CARMIL1: variants seen among roughly 807,000 people sequenced by gnomAD.
CARMIL1 encodes F-actin-uncapping protein LRRC16A.
In CARMIL1, 90 loss-of-function variants were observed where a neutral mutation model predicts 177.1. That is an observed-to-expected ratio of 0.51 (90% confidence interval 0.43 to 0.61). The LOEUF is 0.61. Among genes scored for constraint, CARMIL1 ranks in the 20% least tolerant of loss-of-function variants. The pLI, the probability that CARMIL1 is intolerant of heterozygous loss-of-function variation, is 0.00. For synonymous variants in CARMIL1, 577 were observed against 606.2 expected, an observed-to-expected ratio of 0.95 and a Z score of 0.71; for missense variants, 1,380 against 1,667.0, an observed-to-expected ratio of 0.83 and a Z score of 3.00.
At chr6:25,286,418 A>AC (rs1561936026) in intron 2 of CARMIL1, among the ~76,000 whole-genome samples, 2 of 152,252 alleles carry the variant, frequency 1.3e-5, no homozygotes, top group Admixed American at 6.5e-5. Context: ...TTGCCCAGCA[A>AC]CAAAATGTGC....
At chr6:25,409,530 T>C (rs1412492019) in intron 2 of CARMIL1, among the ~76,000 whole-genome samples, 1 of 143,762 alleles carries the variant, frequency 7.0e-6, no homozygotes, top group Non-Finnish European at 1.5e-5. Flanking sequence ...AAGCTGAGAT[T>C]TCGCCTGAAG....
intron 29 of CARMIL1, 83 bp from the exon 30 acceptor site, chr6:25,580,841 C>T: frequency 4.8e-6 from 5 of 1,036,744 alleles, no homozygotes; most frequent in East Asian, 2.6e-5. Context: ...GTTAAACAGT[C>T]GATCCAGAAT....
chr6:25,412,625 C>G (rs1386392359), intron 2 of CARMIL1, among the ~76,000 whole-genome samples: 1 of 152,114 alleles, frequency 6.6e-6, no homozygotes, highest in Non-Finnish European at 1.5e-5. Context: ...TAGTAATTTG[C>G]TCTTAGCCAT....
intron 8 of CARMIL1, chr6:25,452,641 C>G (rs146842293): frequency 1.0e-4 from 16 of 153,572 alleles, no homozygotes; most frequent in African/African-American, 3.8e-4. Context: ...TTTTCCAAAA[C>G]AAAAATAAAT....
chr6:25,398,256 G>A (rs1365374997), intron 2 of CARMIL1, among the ~76,000 whole-genome samples: 1 of 152,080 alleles, frequency 6.6e-6, no homozygotes. Flanking sequence ...CTCTCAACTA[G>A]GGATAATTCA....
chr6:25,346,656 T>C (rs1385928405), intron 2 of CARMIL1, among the ~76,000 whole-genome samples: 1 of 152,238 alleles, frequency 6.6e-6, no homozygotes, highest in Non-Finnish European at 1.5e-5. Context: ...TCATTGCTTA[T>C]TCCTGGGGAC....
At chr6:25,375,273 T>G (rs1010623762) in intron 2 of CARMIL1, among the ~76,000 whole-genome samples, 27 of 152,194 alleles carry the variant, frequency 1.8e-4, no homozygotes, top group African/African-American at 6.0e-4. Context: ...AAAAAATGAT[T>G]GGCTGACAGT....
intron 29 of CARMIL1, among the ~76,000 whole-genome samples, chr6:25,560,977 C>T (rs1811058109): frequency 6.6e-6 from 1 of 152,182 alleles, no homozygotes; most frequent in South Asian, 2.1e-4. Flanking sequence ...CTGAAACCTC[C>T]TGTGCCTCTC....
intron 9 of CARMIL1, among the ~76,000 whole-genome samples, chr6:25,470,241 T>C (rs1800982277): frequency 6.6e-6 from 1 of 152,334 alleles, no homozygotes; most frequent in African/African-American, 2.4e-5. Flanking sequence ...ATCAAGTACT[T>C]ATTTAGCCTT....
At chr6:25,412,533 A>T (rs1421134616) in intron 2 of CARMIL1, among the ~76,000 whole-genome samples, 1 of 152,220 alleles carries the variant, frequency 6.6e-6, no homozygotes, top group Non-Finnish European at 1.5e-5. Context: ...GTGAGCTGTG[A>T]TCGCTCCACT....
intron 23 of CARMIL1, among the ~76,000 whole-genome samples, chr6:25,527,477 A>G (rs1017657729): frequency 6.6e-6 from 1 of 152,186 alleles, no homozygotes; most frequent in African/African-American, 2.4e-5. Context: ...GGCCAAATGT[A>G]TAAGAATTAA....
At chr6:25,555,220 G>T (rs550083922) in intron 28 of CARMIL1, among the ~76,000 whole-genome samples, 78 of 152,252 alleles carry the variant, frequency 5.1e-4, no homozygotes, top group African/African-American at 1.8e-3. Context: ...TTTTAACAGT[G>T]TATTGGTTTG....
chr6:25,538,020 A>G, intron 25 of CARMIL1, 37 bp downstream of exon 25: 1 of 1,537,276 alleles, frequency 6.5e-7, no homozygotes, highest in East Asian at 2.3e-5. Flanking sequence ...AGTCTGGTAT[A>G]ATAAAAACGT....
At chr6:25,439,999 T>C (rs1289242733) in intron 5 of CARMIL1, among the ~76,000 whole-genome samples, 2 of 152,204 alleles carry the variant, frequency 1.3e-5, no homozygotes, top group East Asian at 3.8e-4. Context: ...TCTTTCCTTC[T>C]AGGCTGGGAG....
intron 9 of CARMIL1, among the ~76,000 whole-genome samples, chr6:25,470,074 T>C (rs1562181778): frequency 6.6e-6 from 1 of 151,886 alleles, no homozygotes; most frequent in Admixed American, 6.5e-5. Context: ...ATAATAGTTA[T>C]ATAACTACAT....
chr6:25,517,411 G>C lies in CARMIL1; in HGVS notation c.1870G>C (p.Glu624Gln), dbSNP rs1318876495. 6.2e-7 allele frequency: 1 copy of C among 1,612,498 alleles called. No homozygotes were observed. The highest frequency in any genetic ancestry group is 1.7e-5 in the Admixed American group (1 of 60,018). Residue 624 changes from glutamate (E) to glutamine (Q), a missense_variant, in exon 22 of 37, where the codon GAA (glutamate) becomes CAA (glutamine). Physicochemically the swap from Glu to Gln is conservative, Grantham distance 29. Coordinates refer to ENST00000329474, the MANE Select transcript of CARMIL1 (RefSeq NM_017640.6). ...CTTTCAGGATATAGCTGTTGCTATG[G>C]AAAAGTAAGTTTGAATTAGGATTTC... Reference protein sequence around the residue: ...QGFQDIAVAMEKNYTLRFMPI... With the variant: ...QGFQDIAVAMQKNYTLRFMPI...
intron 2 of CARMIL1, among the ~76,000 whole-genome samples, chr6:25,344,096 C>T (rs2690092): frequency 0.57 from 86,715 of 151,824 alleles, 25,509 homozygotes; most frequent in African/African-American, 0.72. Context: ...ATTTCAGTCC[C>T]CATGTTCACT....
chr6:25,583,727 T>G (rs1215415087), intron 31 of CARMIL1, among the ~76,000 whole-genome samples: 1 of 152,194 alleles, frequency 6.6e-6, no homozygotes, highest in African/African-American at 2.4e-5. Context: ...GATTTTTAGA[T>G]TTTTTAGTCC....
chr6:25,434,266 T>C (rs554267847), intron 4 of CARMIL1, among the ~76,000 whole-genome samples: 2 of 152,316 alleles, frequency 1.3e-5, no homozygotes, highest in South Asian at 4.1e-4. Context: ...GAAGTTCTTC[T>C]TATTTGTAAT....
Sources: gnomAD v4.1 joint callset for allele counts (sites outside exome capture counted in the v4.1 genomes callset) on GRCh38, gnomAD v4.1.1 for gene constraint, MANE v1.5 for transcripts, NCBI Gene and HGNC (gene_info 2026-07-23, HGNC 2026-07-21) for gene names.